PLAC1: variants seen among roughly 807,000 people sequenced by gnomAD.
The protein encoded by PLAC1 is placenta associated 1.
For synonymous variants in PLAC1, 68 were observed against 62.1 expected (o/e 1.09, Z -0.44); for missense variants, 136 against 163.2 (o/e 0.83, Z 0.91).
chrX:134,597,701 C>T (rs1418962901), intron 2 of PLAC1, among the ~76,000 whole-genome samples: 2 of 112,194 alleles, frequency 1.8e-5, no homozygotes, highest in Non-Finnish European at 3.8e-5. Context: ...AGGCTCACCA[C>T]TCAGCCTTTG....
At chrX:134,591,543 T>C (rs2078039309) in intron 2 of PLAC1, among the ~76,000 whole-genome samples, 2 of 112,648 alleles carry the variant, frequency 1.8e-5, no homozygotes, top group Admixed American at 1.9e-4. Context: ...AACTACTCAC[T>C]TATTGAAGGA....
At chrX:134,637,822 T>C (rs965405149) in intron 1 of PLAC1, among the ~76,000 whole-genome samples, 17 of 111,665 alleles carry the variant, frequency 1.5e-4, no homozygotes, top group African/African-American at 5.2e-4. Context: ...CACTCCAGCC[T>C]GGGCAACAGA....
At chrX:134,762,631 C>G (rs2078772472) in intron 1 of PLAC1, among the ~76,000 whole-genome samples, 2 of 109,197 alleles carry the variant, frequency 1.8e-5, no homozygotes, top group Admixed American at 2.0e-4. Flanking sequence ...AGTTCAAGAG[C>G]AGCCTGGCCA....
chrX:134,676,907 C>T (rs1436067207), intron 2 of PLAC1, among the ~76,000 whole-genome samples: 1 of 112,168 alleles, frequency 8.9e-6, no homozygotes, highest in African/African-American at 3.2e-5. Context: ...GGCAAAGTTA[C>T]TAAATGTCCC....
intron 2 of PLAC1, among the ~76,000 whole-genome samples, chrX:134,689,949 C>G (rs187423269): frequency 8.9e-6 from 1 of 112,095 alleles, no homozygotes; most frequent in Non-Finnish European, 1.9e-5. Context: ...GTGCAACCAT[C>G]ACCACCATCT....
chrX:134,677,159 C>T (rs1484025096), intron 2 of PLAC1, among the ~76,000 whole-genome samples: 1 of 111,100 alleles, frequency 9.0e-6, no homozygotes, highest in Non-Finnish European at 1.9e-5. Flanking sequence ...GTGATTCCGA[C>T]GTCCACTCGC....
rs141308382 is a variant in PLAC1 at position 134,725,971 on chromosome X, T to C, written n.174+7464A>G. On this transcript the variant is annotated intron_variant and non_coding_transcript_variant, in intron 2 of 2. Coordinates refer to the PLAC1 transcript ENST00000466797. ...GAAATCATACCACTGCACTCCAGCC[T>C]GGGTGACAGAGTGAGACTGTCTCAA... 5.9e-3 allele frequency among the ~76,000 whole-genome samples: 657 copies of C among 111,834 alleles called. 7 individuals are homozygous for C. The highest frequency in any genetic ancestry group is 0.021 in the African/African-American group (634 of 30,756).
intron 2 of PLAC1, among the ~76,000 whole-genome samples, chrX:134,708,218 T>C (rs1355029989): frequency 9.0e-6 from 1 of 111,502 alleles, no homozygotes; most frequent in African/African-American, 3.3e-5. Flanking sequence ...GCAAAAATAT[T>C]CTTCAAAATG....
intron 2 of PLAC1, among the ~76,000 whole-genome samples, chrX:134,705,016 A>ATT (rs1398812681): frequency 2.3e-4 from 23 of 99,255 alleles, no homozygotes; most frequent in African/African-American, 9.2e-4. Flanking sequence ...ATATATATAT[A>ATT]TATATACACA....
chrX:134,717,765 C>T (rs1237631604), intron 2 of PLAC1, among the ~76,000 whole-genome samples: 1 of 112,224 alleles, frequency 8.9e-6, no homozygotes, highest in Non-Finnish European at 1.9e-5. Flanking sequence ...AGAGGCAGGC[C>T]CCAATGAGCA....
At chrX:134,573,821 C>A (rs1021298288) in intron 2 of PLAC1, among the ~76,000 whole-genome samples, 1 of 111,399 alleles carries the variant, frequency 9.0e-6, no homozygotes, top group African/African-American at 3.3e-5. Context: ...CCAAAGCTAC[C>A]TTGTGCATGC....
intron 1 of PLAC1, among the ~76,000 whole-genome samples, chrX:134,747,057 G>A (rs1167717034): frequency 8.9e-6 from 1 of 112,101 alleles, no homozygotes; most frequent in Non-Finnish European, 1.9e-5. Context: ...CAATAAGGGG[G>A]ACAGAAGCAC....
At chrX:134,654,410 G>A (rs1383493468) in intron 1 of PLAC1, among the ~76,000 whole-genome samples, 3 of 112,193 alleles carry the variant, frequency 2.7e-5, no homozygotes, top group Admixed American at 1.9e-4. Flanking sequence ...CTACCCAGAT[G>A]TTCCACCATC....
At chrX:134,607,790 T>C (rs778776449) in intron 1 of PLAC1, among the ~76,000 whole-genome samples, 1 of 111,383 alleles carries the variant, frequency 9.0e-6, no homozygotes, top group Admixed American at 9.5e-5. Flanking sequence ...AACAAGGTTG[T>C]GGAGAGAGGG....
chrX:134,760,230 A>T (rs2078766576), intron 1 of PLAC1: 1 of 111,996 alleles, frequency 8.9e-6, no homozygotes, highest in African/African-American at 3.2e-5. Context: ...CTGTCAAAAA[A>T]TGCCAACGCC....
chrX:134,659,916 AT>A (rs2078409737), upstream of PLAC1, among the ~76,000 whole-genome samples: 2 of 111,649 alleles, frequency 1.8e-5, no homozygotes, highest in Admixed American at 9.6e-5. Context: ...CCCAGGTGGT[AT>A]ATAGCACATG....
chrX:134,704,936 T>C (rs1193797795), intron 2 of PLAC1, among the ~76,000 whole-genome samples: 1 of 99,077 alleles, frequency 1.0e-5, no homozygotes, highest in East Asian at 3.0e-4. Context: ...GAGGTTGCAG[T>C]GAGCTGAGAT....
chrX:134,732,751 C>T (rs1008905596), intron 2 of PLAC1, among the ~76,000 whole-genome samples: 2 of 112,365 alleles, frequency 1.8e-5, no homozygotes, highest in African/African-American at 6.5e-5. Context: ...CCTTCCTTAT[C>T]TGCAAGGAAT....
chrX:134,601,896 A>C (rs747453664), intron 2 of PLAC1, 155 bp downstream of exon 2: 21 of 112,447 alleles, frequency 1.9e-4, no homozygotes, highest in African/African-American at 6.8e-4. Flanking sequence ...TTAGAGTAGG[A>C]ATGGAGAGGA....
Sources: allele counts gnomAD v4.1 joint callset (sites outside exome capture counted in the v4.1 genomes callset), GRCh38; gene constraint gnomAD v4.1.1; transcripts MANE v1.5; gene names NCBI Gene and HGNC (gene_info 2026-07-23, HGNC 2026-07-21).